Variants in UPP2 observed in about 807,000 individuals in gnomAD.
UPP2 encodes uridine phosphorylase 2, also known as UPase 2.
UPP2 carries 23 observed loss-of-function variants against 26.7 expected under a neutral mutation model. The observed-to-expected ratio is 0.86, with a 90% CI of 0.62 to 1.22. The LOEUF (loss-of-function observed/expected upper bound fraction) is 1.22. UPP2 is among the 50% of genes most tolerant of loss of function. The pLI is 0.00. For missense variants in UPP2, 387 were observed against 396.7 expected (o/e 0.98, Z 0.21); for synonymous variants, 127 against 141.3 (o/e 0.90, Z 0.72).
chr2:158,123,832 G>A lies in UPP2; in HGVS notation c.748G>A (p.Val250Ile). Residue 250 changes from valine to isoleucine, a missense_variant, in exon 6 of 7, where the codon GTC becomes ATC. Physicochemically the swap from Val to Ile is conservative, Grantham distance 29 (BLOSUM62 3). Transcript: ENST00000005756. Reference sequence around the variant, plus strand: ...CTTGAAGAGAGCATTTAAAGCTGGTGTCAGGAATATTGAAATGGAATCTAC... The same window carrying A: ...CTTGAAGAGAGCATTTAAAGCTGGTATCAGGAATATTGAAATGGAATCTAC... ...DYLKRAFKAG[V>I]RNIEMESTVF... 1 of 1,614,100 alleles carries A rather than the reference G, an allele frequency of 6.2e-7. No individual in the cohort carries two copies. The highest frequency in any genetic ancestry group is 1.3e-5 in the African/African-American group (1 of 75,048).
chr2:158,132,066 C>T (rs1218477886), intron 6 of UPP2, among the ~76,000 whole-genome samples: 1 of 152,194 alleles, frequency 6.6e-6, no homozygotes, highest in East Asian at 1.9e-4. Flanking sequence ...GACTGCCAGC[C>T]CATGTCAGGC....
intron 3 of UPP2, among the ~76,000 whole-genome samples, chr2:158,068,456 A>T (rs1283240693): frequency 6.6e-6 from 1 of 152,102 alleles, no homozygotes; most frequent in African/African-American, 2.4e-5. Flanking sequence ...TGTGCAATAC[A>T]AACAGCCCAA....
intron 3 of UPP2, among the ~76,000 whole-genome samples, chr2:158,068,793 TATATA>T (rs1682484970): frequency 5.3e-4 from 9 of 17,126 alleles, no homozygotes; most frequent in African/African-American, 2.1e-3. Context: ...TATATATATA[TATATA>T]TATATTTTTT....
chr2:158,041,882 A>G (rs2105164281), intron 3 of UPP2, among the ~76,000 whole-genome samples: 1 of 152,330 alleles, frequency 6.6e-6, no homozygotes, highest in Middle Eastern at 3.4e-3. Context: ...AAATTCTTAA[A>G]ATCAGATCAT....
At chr2:158,038,036 ATT>A (rs1306314981) in intron 3 of UPP2, among the ~76,000 whole-genome samples, 1 of 152,178 alleles carries the variant, frequency 6.6e-6, no homozygotes, top group Non-Finnish European at 1.5e-5. Flanking sequence ...TTTCTGCTGC[ATT>A]GTTTTCCCAT....
chr2:158,077,259 A>C (rs1159633872), intron 3 of UPP2, among the ~76,000 whole-genome samples: 2 of 151,738 alleles, frequency 1.3e-5, no homozygotes, highest in East Asian at 3.9e-4. Context: ...TCAAAATACC[A>C]ATGACATTCT....
intron 2 of UPP2, among the ~76,000 whole-genome samples, chr2:158,113,825 A>T (rs1683368025): frequency 6.6e-6 from 1 of 152,134 alleles, no homozygotes; most frequent in Non-Finnish European, 1.5e-5. Context: ...CCTTTTCCTC[A>T]CTAGAGGACT....
intron 3 of UPP2, among the ~76,000 whole-genome samples, chr2:158,060,728 C>T (rs751623685): frequency 2.0e-5 from 3 of 151,986 alleles, no homozygotes; most frequent in Non-Finnish European, 2.9e-5. Flanking sequence ...GGGTAGGGCC[C>T]CATAATGAGA....
intron 3 of UPP2, among the ~76,000 whole-genome samples, chr2:158,115,850 A>G (rs1437369662): frequency 6.6e-6 from 1 of 152,200 alleles, no homozygotes; most frequent in Admixed American, 6.5e-5. Flanking sequence ...ATGAGGGCGT[A>G]TGTGCATAGG....
intron 2 of UPP2, among the ~76,000 whole-genome samples, chr2:157,996,165 C>G (rs772350318): frequency 3.4e-4 from 52 of 152,172 alleles, no homozygotes; most frequent in Non-Finnish European, 4.6e-4. Flanking sequence ...ACCATACACA[C>G]TGTGACCACA....
At chr2:158,040,884 A>G (rs1158709975) in intron 3 of UPP2, among the ~76,000 whole-genome samples, 1 of 152,204 alleles carries the variant, frequency 6.6e-6, no homozygotes, top group Non-Finnish European at 1.5e-5. Flanking sequence ...CATGCGCCCA[A>G]GGGTTAGTCA....
chr2:158,004,881 G>T (rs576572158), intron 2 of UPP2, among the ~76,000 whole-genome samples: 1 of 152,300 alleles, frequency 6.6e-6, no homozygotes, highest in South Asian at 2.1e-4. Context: ...CTGGCATAAA[G>T]CCAGCCCCTT....
At chr2:158,052,256 C>G (rs1365156624) in intron 3 of UPP2, among the ~76,000 whole-genome samples, 1 of 152,148 alleles carries the variant, frequency 6.6e-6, no homozygotes, top group African/African-American at 2.4e-5. Flanking sequence ...TGGAACCCAA[C>G]AATGAGTCTA....
chr2:158,129,978 C>T (rs551126341), intron 6 of UPP2, among the ~76,000 whole-genome samples: 5 of 151,856 alleles, frequency 3.3e-5, no homozygotes, highest in Non-Finnish European at 7.4e-5. Context: ...TTTGCAAAGT[C>T]GAGGTCTCAC....
At chr2:158,070,735 C>T (rs924800572) in intron 3 of UPP2, among the ~76,000 whole-genome samples, 2 of 152,198 alleles carry the variant, frequency 1.3e-5, no homozygotes, top group Admixed American at 1.3e-4. Flanking sequence ...GTCACAGTAC[C>T]TGGATTTAAC....
intron 2 of UPP2, among the ~76,000 whole-genome samples, chr2:158,005,842 G>A (rs144234605): frequency 3.2e-3 from 493 of 152,196 alleles, no homozygotes; most frequent in African/African-American, 0.011. Context: ...CCATGGCCAG[G>A]AGCAGCTCAC....
intron 3 of UPP2, among the ~76,000 whole-genome samples, chr2:158,024,223 G>A (rs553867312): frequency 1.3e-5 from 2 of 152,204 alleles, no homozygotes; most frequent in African/African-American, 4.8e-5. Flanking sequence ...AAGGTTTGAG[G>A]AAGACAAAGA....
chr2:158,132,938 T>C (rs1477812721), intron 6 of UPP2, among the ~76,000 whole-genome samples: 6 of 152,340 alleles, frequency 3.9e-5, no homozygotes, highest in Non-Finnish European at 4.4e-5. Flanking sequence ...TGTAAATTAG[T>C]ACATCAATTA....
intron 3 of UPP2, among the ~76,000 whole-genome samples, chr2:158,094,656 C>A (rs573500241): frequency 6.6e-6 from 1 of 152,264 alleles, no homozygotes; most frequent in African/African-American, 2.4e-5. Context: ...CTCAGCTAAA[C>A]CTAAATTAGA....
Sources: allele counts gnomAD v4.1 joint callset (sites outside exome capture counted in the v4.1 genomes callset), GRCh38; gene constraint gnomAD v4.1.1; transcripts MANE v1.5; gene names NCBI Gene and HGNC (gene_info 2026-07-23, HGNC 2026-07-21).